The following GP6 variants were observed in gnomAD, a reference collection of about 807,000 sequenced individuals.
GP6 encodes the protein glycoprotein VI platelet.
Under a neutral mutation model 37.3 loss-of-function variants are expected in GP6, and 45 were observed. The observed-to-expected ratio is 1.21, with a 90% CI of 0.95 to 1.55. The LOEUF (loss-of-function observed/expected upper bound fraction) is 1.55. Ranked by LOEUF, GP6 falls within the 40% of genes most tolerant of loss-of-function variation. GP6 has a pLI of 0.00. For missense variants in GP6, 813 were observed against 760.2 expected (o/e 1.07, Z -0.82); for synonymous variants, 340 against 316.4 (o/e 1.07, Z -0.79).
At chr19:55,028,187 A>G (rs1324289866) in intron 3 of GP6, among the ~76,000 whole-genome samples, 3 of 152,226 alleles carry the variant, frequency 2.0e-5, no homozygotes, top group Non-Finnish European at 2.9e-5. Context: ...GTACACAGTA[A>G]TTTGCAGAGT....
intron 1 of GP6, among the ~76,000 whole-genome samples, chr19:55,034,098 ACACG>A (rs2074720180): frequency 6.7e-6 from 1 of 149,052 alleles, no homozygotes; most frequent in Non-Finnish European, 1.5e-5. Context: ...ATGTACATAT[ACACG>A]TGTGTACATA....
chr19:55,021,666 G>A (rs1270451387), intron 5 of GP6, among the ~76,000 whole-genome samples: 17 of 151,226 alleles, frequency 1.1e-4, no homozygotes, highest in African/African-American at 3.4e-4. Flanking sequence ...GACTACAGGC[G>A]CCCGCCACCA....
intron 1 of GP6, among the ~76,000 whole-genome samples, chr19:55,033,404 ACGGTGGGCTCGTTCGTGTTAGACG>A (rs1568643908): frequency 1.3e-3 from 18 of 14,166 alleles, no homozygotes; most frequent in South Asian, 4.7e-3. Context: ...TGTGTTAGAC[ACGGTGGGCTCGTTCGTGTTAGACG>A]CGGTGGGCTC....
At chr19:55,029,883 G>A (rs975996206) in intron 3 of GP6, among the ~76,000 whole-genome samples, 1 of 151,884 alleles carries the variant, frequency 6.6e-6, no homozygotes, top group East Asian at 1.9e-4. Flanking sequence ...GGCCAGTGAT[G>A]CTGTGGAGGG....
rs770868762 is a variant in GP6 at position 55,014,993 on chromosome 19, C to T, written c.952G>A (p.Ala318Thr). 39 of 1,521,908 alleles carry T rather than the reference C, an allele frequency of 2.6e-5. 1 individual carries two copies. Among genetic ancestry groups the T allele is most frequent in the Non-Finnish European group, 3.3e-5 (37 of 1,115,390 alleles). The allele number at this position is 1,521,908 out of a possible 1,614,324, so 94.3% of individuals were successfully genotyped here. Residue 318 changes from alanine (A) to threonine (T), a missense_variant, in exon 8 of 8, where the codon GCT becomes ACT. Ala to Thr is a moderately conservative substitution (Grantham distance 58). Transcript: ENST00000310373. ...GACCCCCGTTTGATTTCCGGGTCAG[C>T]GGGAGGGGCGGGAGGGGCGGAAGCG...
intron 6 of GP6, among the ~76,000 whole-genome samples, chr19:55,017,204 A>G (rs1255392648): frequency 6.6e-6 from 1 of 151,126 alleles, no homozygotes; most frequent in African/African-American, 2.4e-5. Flanking sequence ...GCAACCTCCA[A>G]CTCGTGAGTT....
intron 5 of GP6, among the ~76,000 whole-genome samples, chr19:55,021,206 A>AG (rs892267612): frequency 1.3e-5 from 2 of 149,346 alleles, no homozygotes; most frequent in Non-Finnish European, 3.0e-5. Context: ...TAAAAGAAAA[A>AG]AAAAAAAAAA....
intron 3 of GP6, among the ~76,000 whole-genome samples, chr19:55,030,517 T>A (rs372149703): frequency 6.8e-5 from 10 of 148,148 alleles, no homozygotes; most frequent in East Asian, 5.8e-4. Context: ...TATTATTATT[T>A]TTTTTAGTAG....
chr19:55,020,602 G>C (rs1033479834), intron 5 of GP6, among the ~76,000 whole-genome samples: 4 of 152,038 alleles, frequency 2.6e-5, no homozygotes, highest in Non-Finnish European at 4.4e-5. Context: ...TACTGTATTT[G>C]CTTTATCCTT....
chr19:55,028,207 C>T (rs1602596627), intron 3 of GP6, among the ~76,000 whole-genome samples: 1 of 152,242 alleles, frequency 6.6e-6, no homozygotes, highest in African/African-American at 2.4e-5. Flanking sequence ...TGCCTGTTGC[C>T]TAGCAAGCGC....
At chr19:55,030,387 G>A (rs1012697579) in intron 3 of GP6, among the ~76,000 whole-genome samples, 6 of 150,682 alleles carry the variant, frequency 4.0e-5, no homozygotes, top group Non-Finnish European at 7.4e-5. Flanking sequence ...TTGCTCTGTC[G>A]CCCAGGCTGG....
intron 1 of GP6, among the ~76,000 whole-genome samples, chr19:55,033,049 TGTTGTGTTAGACACGGTGGAC>T (rs2074650990): frequency 7.3e-5 from 1 of 13,680 alleles, no homozygotes; most frequent in Admixed American, 1.1e-3. Flanking sequence ...GACTCGTTCG[TGTTGTGTTAGACACGGTGGAC>T]TCGTTCGTGT....
In GP6 at chr19:55,030,603, A is replaced by G. The variant is rs544975829; in HGVS notation, c.325+1536T>C. On this transcript the variant is annotated intron_variant, in intron 3 of 7. Coordinates refer to ENST00000310373, the MANE Select transcript of GP6 (RefSeq NM_001083899.2). Reference sequence around the variant, plus strand: ...AGTGATCCACCCACCTCAGCCTCCCAAAGTACTGGGATTACAGGCGTGAGC... The same window carrying G: ...AGTGATCCACCCACCTCAGCCTCCCGAAGTACTGGGATTACAGGCGTGAGC... Among the ~76,000 whole-genome samples the G allele has an allele frequency of 2.6e-5, 4 of 152,106 alleles. No individual in the cohort carries two copies. In the East Asian group the frequency reaches 7.7e-4, roughly 29 times the overall value.
intron 1 of GP6, among the ~76,000 whole-genome samples, chr19:55,033,023 C>G (rs1489223168): frequency 9.6e-6 from 1 of 103,820 alleles, no homozygotes; most frequent in Non-Finnish European, 1.9e-5. Context: ...TGGACTCGTT[C>G]GTGTTAGACA....
rs746184218 is a variant in GP6, at chr19:55,032,242, G to A, written c.222C>T (p.Phe74=). 6.2e-7 allele frequency: 1 copy of A among 1,614,142 alleles called. No homozygotes were observed. Among genetic ancestry groups the A allele is most frequent in the South Asian group, 1.1e-5 (1 of 91,082 alleles). ...CCAGACTTCTCTTCATGGCCGGGATGAAGAGGACTGCCTGATCCTGGTACC... is the reference window on the plus strand; with the variant it reads ...CCAGACTTCTCTTCATGGCCGGGATAAAGAGGACTGCCTGATCCTGGTACC... The change falls in exon 3 of 8, where the codon TTC becomes TTT. Residue 74 remains phenylalanine, a synonymous_variant. Transcript: ENST00000310373.
At chr19:55,038,140 T>C (rs985780324) in intron 1 of GP6, 63 bp downstream of exon 1, 13 of 1,323,520 alleles carry the variant, frequency 9.8e-6, no homozygotes, top group Non-Finnish European at 1.4e-5. Context: ...TTCTTAAAAA[T>C]CCTTTGTCTG....
At chr19:55,032,662 GACAC>G in intron 1 of GP6, 124 bp from the exon 2 acceptor site, 8 of 1,031,606 alleles carry the variant, frequency 7.8e-6, no homozygotes, top group Non-Finnish European at 1.2e-5. Flanking sequence ...TTCTTCAAAA[GACAC>G]ACAGGAATGT....
intron 5 of GP6, among the ~76,000 whole-genome samples, chr19:55,020,413 C>A (rs1190420125): frequency 3.3e-5 from 5 of 151,974 alleles, no homozygotes; most frequent in Non-Finnish European, 1.5e-5. Context: ...GTGTTCCCCT[C>A]CCTGTGTCCA....
At chr19:55,032,026 C>G in intron 3 of GP6, 113 bp downstream of exon 3, 1 of 1,046,780 alleles carries the variant, frequency 9.6e-7, no homozygotes, top group Non-Finnish European at 1.4e-6. Context: ...CACCACCACC[C>G]GCTAGGCCAG....
Sources: gnomAD v4.1 joint callset for allele counts (sites outside exome capture counted in the v4.1 genomes callset) on GRCh38, gnomAD v4.1.1 for gene constraint, MANE v1.5 for transcripts, NCBI Gene and HGNC (gene_info 2026-07-23, HGNC 2026-07-21) for gene names.